The following EPB41L4A variants were observed in gnomAD, a reference collection of about 807,000 sequenced individuals.
The protein encoded by EPB41L4A is erythrocyte membrane protein band 4.1 like 4A.
Under a neutral mutation model 108.6 loss-of-function variants are expected in EPB41L4A, and 100 were observed. That is an observed-to-expected ratio of 0.92 (90% CI 0.78 to 1.09). The LOEUF (loss-of-function observed/expected upper bound fraction) is 1.09, where lower values mean the gene tolerates loss of function less well. Among genes scored for constraint, EPB41L4A ranks in the 50% least tolerant of loss-of-function variants. The pLI is 0.00. For missense variants in EPB41L4A, 1,030 were observed against 842.7 expected (o/e 1.22, Z -2.75); for synonymous variants, 319 against 289.0 (o/e 1.10, Z -1.05).
At chr5:112,297,020 C>G (rs1437884812) in intron 2 of EPB41L4A, among the ~76,000 whole-genome samples, 1 of 147,706 alleles carries the variant, frequency 6.8e-6, no homozygotes, top group Non-Finnish European at 1.5e-5. Context: ...CACACACACA[C>G]CACAGTTTAT....
At chr5:112,410,465 G>A (rs1364341452) in intron 1 of EPB41L4A, among the ~76,000 whole-genome samples, 1 of 152,162 alleles carries the variant, frequency 6.6e-6, no homozygotes, top group East Asian at 1.9e-4. Flanking sequence ...GGCCTGAAGT[G>A]CAGCAGCAAT....
intron 2 of EPB41L4A, among the ~76,000 whole-genome samples, chr5:112,298,575 G>A (rs1580634893): frequency 6.6e-6 from 1 of 152,152 alleles, no homozygotes; most frequent in East Asian, 1.9e-4. Flanking sequence ...TATGCTGTTG[G>A]ATTTGGTTAG....
intron 12 of EPB41L4A, among the ~76,000 whole-genome samples, chr5:112,211,213 C>G (rs952265711): frequency 3.9e-5 from 6 of 152,190 alleles, no homozygotes; most frequent in Admixed American, 3.3e-4. Flanking sequence ...GAACCACACA[C>G]TACTTCCACC....
intron 12 of EPB41L4A, among the ~76,000 whole-genome samples, chr5:112,219,631 A>T (rs573371245): frequency 1.3e-5 from 2 of 152,350 alleles, no homozygotes; most frequent in South Asian, 4.1e-4. Context: ...TATAATTAGT[A>T]GCAGTATATT....
At chr5:112,191,609 G>A (rs1761701911) in intron 17 of EPB41L4A, among the ~76,000 whole-genome samples, 1 of 151,220 alleles carries the variant, frequency 6.6e-6, no homozygotes, top group Non-Finnish European at 1.5e-5. Context: ...TTGACTTCGT[G>A]GAAAAAAGAA....
intron 12 of EPB41L4A, among the ~76,000 whole-genome samples, chr5:112,151,574 A>T (rs1332700082): frequency 1.3e-5 from 2 of 151,674 alleles, no homozygotes; most frequent in African/African-American, 4.8e-5. Flanking sequence ...CACCCAGATA[A>T]TTTTTGTATT....
Position 112,203,107 on chromosome 5 carries a change from C to A in EPB41L4A, c.1376+1268G>T, listed in dbSNP as rs569504796. ...AGAGGCCGGGCGCGGTGACTCATGCCTGTAATCCCAGCATTTTGGGAGGCT... is the reference window on the plus strand; with the variant it reads ...AGAGGCCGGGCGCGGTGACTCATGCATGTAATCCCAGCATTTTGGGAGGCT... On this transcript the variant is annotated intron_variant, in intron 15 of 22. Coordinates refer to ENST00000261486, the MANE Select transcript of EPB41L4A (RefSeq NM_022140.5). Among the ~76,000 whole-genome samples the A allele has an allele frequency of 2.0e-5, 3 of 152,254 alleles. No individual in the cohort carries two copies. In the South Asian group the frequency reaches 6.2e-4, roughly 32 times the overall value.
chr5:112,353,229 G>C (rs116873032), intron 1 of EPB41L4A, among the ~76,000 whole-genome samples: 3 of 149,060 alleles, frequency 2.0e-5, no homozygotes, highest in South Asian at 2.1e-4. Flanking sequence ...AAGCATGCCT[G>C]TTGGCATGCT....
At chr5:112,393,777 G>C (rs904959934) in intron 1 of EPB41L4A, among the ~76,000 whole-genome samples, 2 of 151,976 alleles carry the variant, frequency 1.3e-5, no homozygotes, top group African/African-American at 2.4e-5. Context: ...GCCTGGCAGA[G>C]ACACAACAAA....
At chr5:112,253,929 G>A (rs967771207) in intron 9 of EPB41L4A, among the ~76,000 whole-genome samples, 4 of 152,084 alleles carry the variant, frequency 2.6e-5, no homozygotes, top group African/African-American at 7.2e-5. Flanking sequence ...GACCTCTTGC[G>A]CTTGTTGACA....
intron 1 of EPB41L4A, among the ~76,000 whole-genome samples, chr5:112,383,397 T>C (rs1184202580): frequency 1.3e-5 from 2 of 152,144 alleles, no homozygotes; most frequent in Admixed American, 1.3e-4. Flanking sequence ...TAAAAAGATA[T>C]AAGATTTCAA....
intron 1 of EPB41L4A, among the ~76,000 whole-genome samples, chr5:112,341,463 G>C (rs1296630159): frequency 6.6e-6 from 1 of 152,174 alleles, no homozygotes; most frequent in East Asian, 1.9e-4. Context: ...TAGCTTTAAA[G>C]TATCTGATGC....
Position 112,306,508 on chromosome 5 carries a change from T to A in EPB41L4A, c.204+878A>T, listed in dbSNP as rs77062556. Among the ~76,000 whole-genome samples the A allele has an allele frequency of 7.1e-3, 1,084 of 152,262 alleles. 7 individuals carry two copies. The highest frequency in any genetic ancestry group is 0.025 in the African/African-American group (1,041 of 41,562). ...GGAAACACCACTCAGAAAATCATGT[T>A]CTTCACTGAATGTACCACAAATGAC... On this transcript the variant is annotated intron_variant, in intron 2 of 22. Transcript: ENST00000261486.
At chr5:112,323,875 G>C (rs146402579) in intron 1 of EPB41L4A, among the ~76,000 whole-genome samples, 1 of 152,170 alleles carries the variant, frequency 6.6e-6, no homozygotes, top group African/African-American at 2.4e-5. Flanking sequence ...AACCAGATTA[G>C]CATTAGATTT....
rs182997078 is a variant in EPB41L4A, at chr5:112,326,734, A to G, written c.100-19244T>C. On this transcript the variant is annotated intron_variant, in intron 1 of 22. Transcript: ENST00000261486. ...CCCACTGTCTTCTGTTTTCATTACT[A>G]CTTCCTTTATTCCTTTCCCTGCTTG... 2.3e-3 allele frequency among the ~76,000 whole-genome samples: 355 copies of G among 152,176 alleles called. 3 individuals carry two copies. The highest frequency in any genetic ancestry group is 8.1e-3 in the African/African-American group (336 of 41,486).
intron 15 of EPB41L4A, among the ~76,000 whole-genome samples, chr5:112,198,950 T>C (rs1442063749): frequency 6.6e-6 from 1 of 152,176 alleles, no homozygotes; most frequent in Non-Finnish European, 1.5e-5. Context: ...TTTTAGTCTC[T>C]GCCTTTCTAG....
At chr5:112,334,425 A>G (rs1756789032) in intron 1 of EPB41L4A, among the ~76,000 whole-genome samples, 1 of 152,194 alleles carries the variant, frequency 6.6e-6, no homozygotes, top group Non-Finnish European at 1.5e-5. Flanking sequence ...TCAATAGGAA[A>G]TATTTGCCAT....
intron 12 of EPB41L4A, among the ~76,000 whole-genome samples, chr5:112,224,433 T>C (rs749802310): frequency 1.3e-5 from 2 of 152,252 alleles, no homozygotes; most frequent in South Asian, 4.1e-4. Flanking sequence ...GTATCTATTT[T>C]TCATATTTGG....
intron 12 of EPB41L4A, among the ~76,000 whole-genome samples, chr5:112,149,149 C>T (rs1759371770): frequency 6.6e-6 from 1 of 152,110 alleles, no homozygotes; most frequent in Non-Finnish European, 1.5e-5. Flanking sequence ...ATAATTTTGT[C>T]AGGTTCCCAA....
Sources: gnomAD v4.1 joint callset for allele counts (sites outside exome capture counted in the v4.1 genomes callset) on GRCh38, gnomAD v4.1.1 for gene constraint, MANE v1.5 for transcripts, NCBI Gene and HGNC (gene_info 2026-07-23, HGNC 2026-07-21) for gene names.